DEPDC5: variants seen among roughly 807,000 people sequenced by gnomAD.
DEPDC5 encodes DEP domain containing 5, GATOR1 subcomplex subunit.
In DEPDC5, 73 loss-of-function variants were observed where a neutral mutation model predicts 217.3. The observed-to-expected ratio is 0.34, with a 90% CI of 0.28 to 0.41. The LOEUF (loss-of-function observed/expected upper bound fraction) is 0.41. Ranked by LOEUF, DEPDC5 falls within the 10% of genes least tolerant of loss-of-function variation. The pLI, the probability that DEPDC5 is intolerant of heterozygous loss-of-function variation, is 1.00. For synonymous variants in DEPDC5, 733 were observed against 756.7 expected (o/e 0.97, Z 0.51); for missense variants, 1,675 against 2,070.1 (o/e 0.81, Z 3.70).
chr22:31,853,371 T>G (rs2092129248), intron 31 of DEPDC5: 1 of 152,202 alleles, frequency 6.6e-6, no homozygotes, highest in African/African-American at 2.4e-5. Context: ...GACCCAAGAC[T>G]TCCTCCTTGC....
chr22:31,870,988 C>T (rs927788417), intron 34 of DEPDC5, among the ~76,000 whole-genome samples: 4 of 152,252 alleles, frequency 2.6e-5, no homozygotes, highest in African/African-American at 7.2e-5. Flanking sequence ...AGGCACCACA[C>T]AGGAGTACAG....
Position 31,906,698 on chromosome 22 carries a change from T to A in DEPDC5, c.*201T>A. On this transcript the variant is annotated 3_prime_UTR_variant, in exon 43 of 43. Coordinates refer to ENST00000651528, the MANE Select transcript of DEPDC5 (RefSeq NM_001242896.3). This position sits in a 1 kb window ranked among gnomAD's most constrained non-coding sequence, Gnocchi z 5.1. ...AGTCTTCTACTCTAGAAGAAAGACT[T>A]TGGAAGCAGCTGCTGCTGCTGCCAC... The A allele has an allele frequency of 1.4e-6, 1 of 692,664 alleles. No homozygotes were observed. The highest frequency in any genetic ancestry group is 2.7e-5 in the East Asian group (1 of 36,636). The allele number at this position is 692,664 out of a possible 1,614,324, so 42.9% of individuals were successfully genotyped here.
At chr22:31,832,182 T>A (rs2090652704) in intron 24 of DEPDC5, among the ~76,000 whole-genome samples, 1 of 152,252 alleles carries the variant, frequency 6.6e-6, no homozygotes, top group African/African-American at 2.4e-5. Flanking sequence ...AGTTGAAAGA[T>A]AATTGGGCTG....
At chr22:31,809,055 A>C (rs889203881) in intron 18 of DEPDC5, among the ~76,000 whole-genome samples, 1 of 152,164 alleles carries the variant, frequency 6.6e-6, no homozygotes, top group Non-Finnish European at 1.5e-5. Flanking sequence ...GGCGTGAACC[A>C]CTGTGCCTGG....
intron 41 of DEPDC5, among the ~76,000 whole-genome samples, chr22:31,903,540 TC>T (rs1251537139): frequency 2.1e-3 from 2 of 940 alleles, no homozygotes; most frequent in Non-Finnish European, 3.9e-3. Flanking sequence ...ACACCTACCC[TC>T]CCCCCATCTT....
At chr22:31,899,757 A>T (rs1275232799) in intron 40 of DEPDC5, among the ~76,000 whole-genome samples, 1 of 152,152 alleles carries the variant, frequency 6.6e-6, no homozygotes, top group African/African-American at 2.4e-5. Context: ...ATGTGGAAAG[A>T]TTAGCAAAAC....
intron 2 of DEPDC5, among the ~76,000 whole-genome samples, chr22:31,756,342 A>T (rs2081941366): frequency 6.6e-6 from 1 of 152,190 alleles, no homozygotes; most frequent in African/African-American, 2.4e-5. Flanking sequence ...CATTTAGCAG[A>T]GTGTTAGACT....
At chr22:31,866,418 G>A (rs930640491) in intron 33 of DEPDC5, among the ~76,000 whole-genome samples, 2 of 151,868 alleles carry the variant, frequency 1.3e-5, no homozygotes, top group African/African-American at 2.4e-5. Context: ...AGACAGTCTC[G>A]CTCTGTCGCC....
chr22:31,760,910 C>T (rs2082333227), intron 4 of DEPDC5, among the ~76,000 whole-genome samples: 1 of 151,608 alleles, frequency 6.6e-6, no homozygotes. Context: ...TCTATTGTAT[C>T]CATTACACAG....
intron 40 of DEPDC5, among the ~76,000 whole-genome samples, chr22:31,899,308 C>G (rs2093607565): frequency 6.6e-6 from 1 of 152,210 alleles, no homozygotes; most frequent in Non-Finnish European, 1.5e-5. Flanking sequence ...GCAGCAAATT[C>G]AAAATCTTAA....
At chr22:31,804,113 G>A in intron 15 of DEPDC5, 49 bp from the exon 16 acceptor site, 2 of 1,577,398 alleles carry the variant, frequency 1.3e-6, no homozygotes, top group African/African-American at 1.3e-5. Context: ...AGGGACACTT[G>A]TCTCTGCCAT....
chr22:31,755,520 T>C (rs1364911038), intron 2 of DEPDC5: 1 of 152,476 alleles, frequency 6.6e-6, no homozygotes, highest in Admixed American at 6.5e-5. Flanking sequence ...ATCTGAAAGT[T>C]GAAGGGCTTT....
At chr22:31,762,556 G>C (rs1402753837) in intron 4 of DEPDC5, among the ~76,000 whole-genome samples, 1 of 152,164 alleles carries the variant, frequency 6.6e-6, no homozygotes, top group East Asian at 1.9e-4. Flanking sequence ...CTGAGGTCAG[G>C]AGTTTGAGAC....
intron 40 of DEPDC5, among the ~76,000 whole-genome samples, chr22:31,898,814 T>C (rs1282620404): frequency 6.6e-6 from 1 of 152,236 alleles, no homozygotes; most frequent in East Asian, 1.9e-4. Flanking sequence ...ACAGAGGCCC[T>C]ACCTGCTGGG....
intron 34 of DEPDC5, 158 bp from the exon 35 acceptor site, chr22:31,873,097 A>T: frequency 7.0e-7 from 1 of 1,419,816 alleles, no homozygotes; most frequent in Non-Finnish European, 9.5e-7. Context: ...CTATGAGATA[A>T]CCCCCTGATA....
In DEPDC5 at chr22:31,864,405, G is replaced by A. The variant is rs563734354; in HGVS notation, c.3330+2972G>A. On this transcript the variant is annotated intron_variant, in intron 33 of 42. Transcript: ENST00000651528. ...ACAGGCAGGAGCCACCACCACACCT[G>A]GCCCAGATGGCTGCTTTCAAATCTT... is the stretch of plus-strand genomic sequence containing the variant. 1.3e-3 allele frequency among the ~76,000 whole-genome samples: 197 copies of A among 149,444 alleles called. 1 individual carries two copies. The highest frequency in any genetic ancestry group is 4.7e-3 in the African/African-American group (192 of 40,700).
At chr22:31,820,608 T>G (rs2089600935) in intron 22 of DEPDC5, among the ~76,000 whole-genome samples, 2 of 152,106 alleles carry the variant, frequency 1.3e-5, no homozygotes. Context: ...ACACTACTTG[T>G]TTCTTTCTGT....
At chr22:31,804,048 T>C (rs778118904) in intron 15 of DEPDC5, 114 bp from the exon 16 acceptor site, 46 of 946,790 alleles carry the variant, frequency 4.9e-5, no homozygotes, top group Non-Finnish European at 7.6e-5. Context: ...TTATAAATCA[T>C]ACAATGGTAA....
At chr22:31,876,075 C>A in intron 36 of DEPDC5, 82 bp from the exon 37 acceptor site, 5 of 1,258,320 alleles carry the variant, frequency 4.0e-6, no homozygotes, top group Non-Finnish European at 5.7e-6. Context: ...CCTGTCACTC[C>A]CTTGTCTCCA....
Sources: gnomAD v4.1 joint callset for allele counts (sites outside exome capture counted in the v4.1 genomes callset) on GRCh38, gnomAD v4.1.1 for gene constraint, Gnocchi (gnomAD v3.1) non-coding constraint, MANE v1.5 for transcripts, NCBI Gene and HGNC (gene_info 2026-07-23, HGNC 2026-07-21) for gene names.